Variants in ABCA4 observed in about 807,000 individuals in gnomAD.
The protein encoded by ABCA4 is ATP binding cassette subfamily A member 4, also known as retinal-specific phospholipid-transporting ATPase ABCA4.
A neutral mutation model predicts 263.7 loss-of-function variants in ABCA4; 196 were observed. The observed-to-expected ratio is 0.74, with a 90% CI of 0.66 to 0.84. ABCA4 has a LOEUF of 0.84. Among genes scored for constraint, ABCA4 ranks in the 40% least tolerant of loss-of-function variants. The pLI is 0.00. For missense variants in ABCA4, 2,792 were observed against 2,855.1 expected, an observed-to-expected ratio of 0.98 and a Z score of 0.50; for synonymous variants, 1,133 against 1,094.2, an observed-to-expected ratio of 1.04 and a Z score of -0.70.
At chr1:94,061,505 T>C (rs909929487) in intron 13 of ABCA4, 1 of 152,910 alleles carries the variant, frequency 6.5e-6, no homozygotes, top group African/African-American at 2.4e-5. Context: ...TGTTGTGTGT[T>C]GTCACTGAAA....
intron 14 of ABCA4, among the ~76,000 whole-genome samples, chr1:94,059,016 G>C (rs1166438381): frequency 6.6e-6 from 1 of 152,162 alleles, no homozygotes; most frequent in African/African-American, 2.4e-5. Context: ...TTCCCACAAA[G>C]AGAAACCCTT....
chr1:94,069,933 T>C (rs898879222), intron 11 of ABCA4, among the ~76,000 whole-genome samples: 1 of 152,046 alleles, frequency 6.6e-6, no homozygotes, highest in African/African-American at 2.4e-5. Flanking sequence ...AATACAATAA[T>C]GAAACAAATA....
intron 11 of ABCA4, among the ~76,000 whole-genome samples, chr1:94,072,644 T>C (rs773430094): frequency 1.3e-5 from 2 of 152,186 alleles, no homozygotes; most frequent in Non-Finnish European, 2.9e-5. Context: ...TGAATACACA[T>C]ACCAGTTTAA....
chr1:94,059,725 G>T (rs1286130554), intron 14 of ABCA4: 1 of 152,454 alleles, frequency 6.6e-6, no homozygotes, highest in African/African-American at 2.4e-5. Flanking sequence ...AAAGCCTGAA[G>T]TCTAAAAATT....
Position 94,031,024 on chromosome 1 carries a change from T to C in ABCA4, c.4225A>G (p.Ile1409Val), listed in dbSNP as rs2101035728. The C allele has an allele frequency of 5.0e-6, 8 of 1,613,764 alleles. No homozygotes were observed. The highest frequency in any genetic ancestry group is 1.3e-5 in the African/African-American group (1 of 74,894). ...EYPALTLHPW[I>V]YGQQYTFFSM... Reference sequence around the variant, plus strand: ...AAGAAGGTGTACTGCTGCCCATATATCCAGGGGTGAAGGGTCAAAGCGGGG... The same window carrying C: ...AAGAAGGTGTACTGCTGCCCATATACCCAGGGGTGAAGGGTCAAAGCGGGG... Residue 1409 changes from isoleucine (I) to valine (V), a missense_variant, in exon 28 of 50, where the codon ATA becomes GTA. Coordinates refer to ENST00000370225, the MANE Select transcript of ABCA4 (RefSeq NM_000350.3).
In ABCA4 at chr1:94,051,695, T is replaced by C; in HGVS notation, c.2591A>G (p.Asp864Gly). 6.2e-7 allele frequency: 1 copy of C among 1,613,112 alleles called. No homozygotes were observed. The highest frequency in any genetic ancestry group is 8.5e-7 in the Non-Finnish European group (1 of 1,179,084). Residue 864 changes from aspartate to glycine, a missense_variant, in exon 17 of 50, where the codon GAC (aspartate) becomes GGC (glycine). Transcript: ENST00000370225. ...AWYLDQVFPG[D>G]YGTPLPWYFL... ...GTACCAAGGAAGTGGGGTTCCATAG[T>C]CTCCTAAAAATAGAGACAAATAAAC...
chr1:94,036,618 C>T, intron 26 of ABCA4, 122 bp downstream of exon 26: 4 of 1,074,456 alleles, frequency 3.7e-6, no homozygotes, highest in Non-Finnish European at 5.8e-6. Flanking sequence ...GTCCATCTGC[C>T]TTGGCCTCCC....
chr1:94,120,887 G>GGCCCCCCCCCCCCCCC, intron 1 of ABCA4, 93 bp downstream of exon 1: 3 of 339,360 alleles, frequency 8.8e-6, no homozygotes, highest in African/African-American at 3.4e-5. Flanking sequence ...CCCCCACCCT[G>GGCCCCCCCCCCCCCCC]CCCCACCACC....
intron 20 of ABCA4, among the ~76,000 whole-genome samples, chr1:94,044,168 C>A (rs911629283): frequency 6.9e-6 from 1 of 143,890 alleles, no homozygotes; most frequent in Non-Finnish European, 1.5e-5. Context: ...AATGACTATG[C>A]GTAGCTTCTT....
At chr1:94,056,940 T>C in intron 14 of ABCA4, 118 bp from the exon 15 acceptor site, 1 of 842,658 alleles carries the variant, frequency 1.2e-6, no homozygotes, top group Non-Finnish European at 2.0e-6. Context: ...CTACGCACAC[T>C]CCATGTGCTG....
chr1:94,091,933 T>C lies in ABCA4; in HGVS notation c.768+6861A>G, dbSNP rs113613894. 1.8e-4 allele frequency among the ~76,000 whole-genome samples: 27 copies of C among 152,362 alleles called. 1 individual carries two copies. The highest frequency in any genetic ancestry group is 6.3e-4 in the African/African-American group (26 of 41,586). On this transcript the variant is annotated intron_variant, in intron 6 of 49. Transcript: ENST00000370225. ...ATGTCTCTCCCTTGGGACTGTGTAA[T>C]ATTTTTTTCTTAAGGTAGAACAGAC...
chr1:94,109,973 G>A (rs189266050), intron 3 of ABCA4, among the ~76,000 whole-genome samples: 4 of 151,996 alleles, frequency 2.6e-5, no homozygotes, highest in Admixed American at 6.6e-5. Flanking sequence ...TCAGTTTTCC[G>A]CAATAACATC....
chr1:94,069,178 A>AGT (rs1454946308), intron 11 of ABCA4, among the ~76,000 whole-genome samples: 4 of 152,248 alleles, frequency 2.6e-5, no homozygotes, highest in African/African-American at 7.2e-5. Flanking sequence ...TAAATCAAAC[A>AGT]CCTCCTTGGG....
intron 13 of ABCA4, among the ~76,000 whole-genome samples, chr1:94,062,181 C>T (rs1034949394): frequency 6.6e-6 from 1 of 152,104 alleles, no homozygotes; most frequent in Admixed American, 6.5e-5. Flanking sequence ...AGGAACCAGA[C>T]CTACTGGCCA....
At chr1:94,041,146 G>T (rs556371900) in intron 23 of ABCA4, 63 bp downstream of exon 23, 3 of 1,558,622 alleles carry the variant, frequency 1.9e-6, no homozygotes, top group Middle Eastern at 3.5e-4. Flanking sequence ...GTCTGGAGTG[G>T]CAGCCCCGTG....
chr1:94,000,510 G>A (rs4147868), intron 47 of ABCA4, among the ~76,000 whole-genome samples: 4 of 152,094 alleles, frequency 2.6e-5, no homozygotes, highest in Admixed American at 6.5e-5. Context: ...CACAGGTCCC[G>A]GATCTGTTGA....
intron 6 of ABCA4, among the ~76,000 whole-genome samples, chr1:94,096,505 C>T (rs554215625): frequency 1.6e-4 from 25 of 152,222 alleles, no homozygotes; most frequent in African/African-American, 5.1e-4. Flanking sequence ...ATACAGAAAC[C>T]GAGAAAGCAA....
At chr1:94,049,175 A>G (rs1414207543) in intron 17 of ABCA4, among the ~76,000 whole-genome samples, 1 of 152,198 alleles carries the variant, frequency 6.6e-6, no homozygotes, top group African/African-American at 2.4e-5. Flanking sequence ...CCTCCTCTCA[A>G]TGTGCCATGA....
intron 6 of ABCA4, 94 bp from the exon 7 acceptor site, chr1:94,083,535 C>T: frequency 3.5e-6 from 3 of 850,804 alleles, no homozygotes; most frequent in Non-Finnish European, 5.7e-6. Flanking sequence ...TGTTTGAAAA[C>T]TCCCCCCCTC....
Sources: allele counts gnomAD v4.1 joint callset (sites outside exome capture counted in the v4.1 genomes callset), GRCh38; gene constraint gnomAD v4.1.1; transcripts MANE v1.5; gene names NCBI Gene and HGNC (gene_info 2026-07-23, HGNC 2026-07-21).